PXT1: variants seen among roughly 807,000 people sequenced by gnomAD.
PXT1 encodes peroxisomal testis-specific protein 1.
A neutral mutation model predicts 11.0 loss-of-function variants in PXT1; 11 were observed. The observed-to-expected ratio is 1.00, with a 90% CI of 0.63 to 1.66. The LOEUF (loss-of-function observed/expected upper bound fraction) is 1.66, where lower values mean the gene tolerates loss of function less well. PXT1 is among the 40% of genes most tolerant of loss of function. The pLI is 0.00. For missense variants in PXT1, 141 were observed against 155.5 expected, an observed-to-expected ratio of 0.91 and a Z score of 0.49; for synonymous variants, 43 against 51.4, an observed-to-expected ratio of 0.84 and a Z score of 0.70.
At chr6:36,423,866 C>G (rs146246500) in intron 3 of PXT1, among the ~76,000 whole-genome samples, 27 of 152,298 alleles carry the variant, frequency 1.8e-4, no homozygotes, top group African/African-American at 6.3e-4. Flanking sequence ...CTACCAGTCA[C>G]TAATGAGATT....
chr6:36,437,900 C>T (rs1774790804), intron 2 of PXT1, among the ~76,000 whole-genome samples: 1 of 146,616 alleles, frequency 6.8e-6, no homozygotes, highest in Non-Finnish European at 1.5e-5. Context: ...GCTCACTGCA[C>T]ACTCCACGTC....
At chr6:36,442,018 C>A (rs1774878604) in intron 1 of PXT1, among the ~76,000 whole-genome samples, 1 of 151,976 alleles carries the variant, frequency 6.6e-6, no homozygotes, top group Non-Finnish European at 1.5e-5. Context: ...GAGCTTTCAA[C>A]AATTTACAAA....
At chr6:36,401,877 A>C (rs532813503) in intron 3 of PXT1, among the ~76,000 whole-genome samples, 12 of 148,936 alleles carry the variant, frequency 8.1e-5, no homozygotes, top group African/African-American at 2.9e-4. Flanking sequence ...TATAACATAT[A>C]TATTATATAT....
chr6:36,440,487 G>A (rs1242433626), intron 1 of PXT1, among the ~76,000 whole-genome samples: 2 of 151,864 alleles, frequency 1.3e-5, no homozygotes, highest in African/African-American at 2.4e-5. Context: ...GGAGAATGGC[G>A]TGAACCTGGG....
At chr6:36,431,023 C>T (rs1250030779) in intron 2 of PXT1, among the ~76,000 whole-genome samples, 1 of 152,082 alleles carries the variant, frequency 6.6e-6, no homozygotes, top group Non-Finnish European at 1.5e-5. Context: ...ACCATGTTGG[C>T]CAGGCTGGTA....
At chr6:36,400,953 A>G (rs1272011031) in intron 3 of PXT1, among the ~76,000 whole-genome samples, 1 of 151,980 alleles carries the variant, frequency 6.6e-6, no homozygotes, top group African/African-American at 2.4e-5. Flanking sequence ...CTGGGTGACA[A>G]GAGCAAAACT....
At chr6:36,429,784 C>T (rs950210981) in intron 2 of PXT1, among the ~76,000 whole-genome samples, 5 of 151,402 alleles carry the variant, frequency 3.3e-5, no homozygotes, top group South Asian at 2.1e-4. Flanking sequence ...GGATTACAGG[C>T]GTGAGCCACC....
At chr6:36,408,751 A>G (rs1774326344) in intron 3 of PXT1, among the ~76,000 whole-genome samples, 1 of 150,516 alleles carries the variant, frequency 6.6e-6, no homozygotes, top group South Asian at 2.1e-4. Flanking sequence ...TGGGCATGGT[A>G]GTGCCTGTAG....
intron 2 of PXT1, among the ~76,000 whole-genome samples, chr6:36,431,797 G>A (rs537741750): frequency 9.2e-5 from 14 of 151,936 alleles, no homozygotes; most frequent in African/African-American, 2.7e-4. Context: ...TAAACCAGGC[G>A]TGGTGGCTTA....
rs138536748 is a variant in PXT1 at position 36,430,467 on chromosome 6, G to A, written c.-9-4376C>T. On this transcript the variant is annotated intron_variant, in intron 2 of 4. Coordinates refer to ENST00000454782, the MANE Select transcript of PXT1 (RefSeq NM_152990.4). ...AACCTAATCATATAATCCTTAGAGAGGGAGGCAAGAGGGCCAGATTCACAG... is the reference window on the plus strand; with the variant it reads ...AACCTAATCATATAATCCTTAGAGAAGGAGGCAAGAGGGCCAGATTCACAG... Among the ~76,000 whole-genome samples, 238 of 152,288 alleles carry A rather than the reference G, an allele frequency of 1.6e-3. 2 individuals carry two copies. Among genetic ancestry groups the A allele is most frequent in the African/African-American group, 5.6e-3 (234 of 41,558 alleles).
Position 36,391,606 on chromosome 6 carries a change from TCGTGAA to T in PXT1, c.*158_*163del. The stretch of plus-strand genomic sequence containing the variant: ...TAGCTCCTCCGAAGAGACAAATGGC[TCGTGAA>T]CCCGCAGTTCTTCAACAAACTGGGT... On this transcript the variant is annotated 3_prime_UTR_variant, in exon 5 of 5. Coordinates refer to ENST00000454782, the MANE Select transcript of PXT1 (RefSeq NM_152990.4). 2 of 647,402 alleles carry T rather than the reference TCGTGAA, an allele frequency of 3.1e-6. No individual in the cohort carries two copies. Among genetic ancestry groups the T allele is most frequent in the Admixed American group, 5.7e-5 (2 of 35,274 alleles). The allele number at this position is 647,402 out of a possible 1,614,324, so 40.1% of individuals were successfully genotyped here.
At chr6:36,437,820 C>CTTT (rs375905408) in intron 2 of PXT1, among the ~76,000 whole-genome samples, 7 of 79,440 alleles carry the variant, frequency 8.8e-5, no homozygotes, top group African/African-American at 1.7e-4. Flanking sequence ...CCAGCCACTG[C>CTTT]TTTTTTTTTT....
intron 3 of PXT1, among the ~76,000 whole-genome samples, chr6:36,418,597 A>G (rs1774483662): frequency 6.6e-6 from 1 of 152,260 alleles, no homozygotes; most frequent in Non-Finnish European, 1.5e-5. Flanking sequence ...ATACAAATCC[A>G]CACTTTTAAA....
At chr6:36,429,495 CTTTTTTTCTTTTCTTTT>C (rs1774657856) in intron 2 of PXT1, among the ~76,000 whole-genome samples, 1 of 120,976 alleles carries the variant, frequency 8.3e-6, no homozygotes, top group South Asian at 2.6e-4. Context: ...TTTCTTTTTT[CTTTTTTTCTTTTCTTTT>C]TTTTTTTTTT....
At position 36,392,229 on chromosome 6, in the gene PXT1, T is replaced by C. The variant is rs184860267; in HGVS notation, c.301-355A>G. 4.1e-4 allele frequency among the ~76,000 whole-genome samples: 63 copies of C among 152,326 alleles called. 1 individual carries two copies. Among genetic ancestry groups the C allele is most frequent in the Admixed American group, 4.0e-3 (61 of 15,308 alleles). The stretch of plus-strand genomic sequence containing the variant: ...ATATTTTGTGCAGACAGGGTCTCAC[T>C]ATGTTGCCTTGGCTGGTCTCAACAA... On this transcript the variant is annotated intron_variant, in intron 4 of 4. Transcript: ENST00000454782.
chr6:36,421,509 C>T (rs1031568327), intron 3 of PXT1, among the ~76,000 whole-genome samples: 3 of 152,090 alleles, frequency 2.0e-5, no homozygotes, highest in African/African-American at 7.2e-5. Flanking sequence ...GAAGGGTTTA[C>T]GAATAACCAC....
intron 1 of PXT1, among the ~76,000 whole-genome samples, chr6:36,441,704 TTTATAG>T (rs1774869491): frequency 6.6e-6 from 1 of 152,190 alleles, no homozygotes; most frequent in Non-Finnish European, 1.5e-5. Context: ...TCCTGCATAC[TTTATAG>T]TCATAAACGA....
chr6:36,411,096 C>T (rs1053955857), intron 3 of PXT1, among the ~76,000 whole-genome samples: 1 of 152,110 alleles, frequency 6.6e-6, no homozygotes, highest in South Asian at 2.1e-4. Flanking sequence ...GCATTATTTA[C>T]CTTTTTAGTA....
chr6:36,413,021 C>A (rs1774396859), intron 3 of PXT1, among the ~76,000 whole-genome samples: 1 of 151,708 alleles, frequency 6.6e-6, no homozygotes, highest in African/African-American at 2.4e-5. Context: ...TATGAAAGGA[C>A]CAGCATCTGA....
Sources: gnomAD v4.1 joint callset for allele counts (sites outside exome capture counted in the v4.1 genomes callset) on GRCh38, gnomAD v4.1.1 for gene constraint, MANE v1.5 for transcripts, NCBI Gene and HGNC (gene_info 2026-07-23, HGNC 2026-07-21) for gene names.